ATXN1: variants seen among roughly 807,000 people sequenced by gnomAD.
The protein encoded by ATXN1 is ataxin 1, also known as ataxin-1.
In ATXN1, 8 loss-of-function variants were observed where a neutral mutation model predicts 56.4. The ratio of observed to expected loss-of-function variants is 0.14; its 90% CI spans 0.08 to 0.26. The LOEUF is 0.26. Ranked by LOEUF, ATXN1 falls within the 10% of genes least tolerant of loss-of-function variation. ATXN1 has a pLI of 1.00. For synonymous variants in ATXN1, 514 were observed against 494.6 expected (o/e 1.04, Z -0.52); for missense variants, 987 against 1,106.5 (o/e 0.89, Z 1.53).
intron 3 of ATXN1, among the ~76,000 whole-genome samples, chr6:16,594,881 G>A (rs888106293): frequency 1.3e-5 from 2 of 152,180 alleles, no homozygotes; most frequent in Non-Finnish European, 2.9e-5. Context: ...CATAACAAAC[G>A]AGAGTTACTT....
At chr6:16,398,962 G>A (rs946253586) in intron 6 of ATXN1, among the ~76,000 whole-genome samples, 5 of 152,316 alleles carry the variant, frequency 3.3e-5, no homozygotes, top group Admixed American at 2.0e-4. Flanking sequence ...GCCCTCCAAC[G>A]TGGACTCACC....
At chr6:16,371,847 G>C (rs563566452) in intron 6 of ATXN1, among the ~76,000 whole-genome samples, 1 of 152,074 alleles carries the variant, frequency 6.6e-6, no homozygotes, top group East Asian at 1.9e-4. Context: ...CCAAAGTGCT[G>C]GAATTACAGG....
intron 2 of ATXN1, among the ~76,000 whole-genome samples, chr6:16,707,025 T>C (rs1344003311): frequency 6.6e-6 from 1 of 152,122 alleles, no homozygotes; most frequent in Non-Finnish European, 1.5e-5. Context: ...GCAGCTCAAA[T>C]TCAAAAGATG....
chr6:16,562,148 C>T (rs144989964), intron 4 of ATXN1, among the ~76,000 whole-genome samples: 14,522 of 151,858 alleles, frequency 0.096, 806 homozygotes, highest in African/African-American at 0.15. Context: ...CCGAGGCAGG[C>T]GGATTGCTTG....
Position 16,484,869 on chromosome 6 carries a change from G to C in ATXN1, c.-161+1103C>G, listed in dbSNP as rs1581793171. 3.3e-5 allele frequency among the ~76,000 whole-genome samples: 5 copies of C among 150,602 alleles called. No homozygotes were observed. In the East Asian group the frequency reaches 9.8e-4, roughly 29 times the overall value. ...ACTTTGCTCTTTACAAATCTTGTAG[G>C]CAACTGCAAAAAAAATAGGTAATAC... On this transcript the variant is annotated intron_variant, in intron 6 of 7. Transcript: ENST00000436367.
chr6:16,419,903 C>T (rs1758996808), intron 6 of ATXN1, among the ~76,000 whole-genome samples: 1 of 152,166 alleles, frequency 6.6e-6, no homozygotes, highest in African/African-American at 2.4e-5. Flanking sequence ...GACCGCTCAT[C>T]CTATCATCTA....
intron 2 of ATXN1, among the ~76,000 whole-genome samples, chr6:16,658,694 C>T (rs1054088652): frequency 2.6e-5 from 4 of 152,320 alleles, no homozygotes; most frequent in South Asian, 4.1e-4. Flanking sequence ...GTCAAATCCA[C>T]CCCACTGTTT....
chr6:16,526,804 A>G (rs750027601), intron 4 of ATXN1, among the ~76,000 whole-genome samples: 13 of 151,890 alleles, frequency 8.6e-5, no homozygotes, highest in Non-Finnish European at 1.8e-4. Flanking sequence ...GGTGTTCAAC[A>G]TATCGAAAAA....
intron 3 of ATXN1, among the ~76,000 whole-genome samples, chr6:16,609,257 G>T (rs550129930): frequency 9.2e-5 from 14 of 152,292 alleles, no homozygotes; most frequent in Admixed American, 3.9e-4. Context: ...GGTGTCCAGG[G>T]CATTCACATT....
chr6:16,759,089 A>G (rs1306650878), intron 1 of ATXN1, among the ~76,000 whole-genome samples: 5 of 152,234 alleles, frequency 3.3e-5, no homozygotes, highest in Admixed American at 6.5e-5. Flanking sequence ...CCCAAACAGA[A>G]ATGTCTCAGC....
chr6:16,687,774 G>C (rs1303214596), intron 2 of ATXN1, among the ~76,000 whole-genome samples: 1 of 151,580 alleles, frequency 6.6e-6, no homozygotes, highest in African/African-American at 2.4e-5. Flanking sequence ...GAATACAAAT[G>C]GCTTCTACGG....
At chr6:16,584,311 T>C (rs965496649) in intron 4 of ATXN1, among the ~76,000 whole-genome samples, 1 of 149,742 alleles carries the variant, frequency 6.7e-6, no homozygotes, top group Non-Finnish European at 1.5e-5. Flanking sequence ...CATACATATA[T>C]AGGCACATAC....
chr6:16,715,568 C>T (rs760124779), intron 2 of ATXN1, among the ~76,000 whole-genome samples: 1 of 152,124 alleles, frequency 6.6e-6, no homozygotes, highest in Non-Finnish European at 1.5e-5. Context: ...AACTTAGTAA[C>T]GCTGTGAATG....
chr6:16,735,278 C>T (rs553620454), intron 2 of ATXN1, among the ~76,000 whole-genome samples: 1 of 152,280 alleles, frequency 6.6e-6, no homozygotes, highest in South Asian at 2.1e-4. Flanking sequence ...ATCCTAAATC[C>T]TCAATATGCC....
chr6:16,452,169 G>A (rs144317951), intron 6 of ATXN1, among the ~76,000 whole-genome samples: 1 of 152,334 alleles, frequency 6.6e-6, no homozygotes, highest in East Asian at 1.9e-4. Flanking sequence ...CAACTCGGTA[G>A]AAAAGAAACA....
intron 5 of ATXN1, among the ~76,000 whole-genome samples, chr6:16,491,991 A>G (rs1267827966): frequency 6.6e-6 from 1 of 152,146 alleles, no homozygotes; most frequent in Non-Finnish European, 1.5e-5. Flanking sequence ...ACCACAAGAA[A>G]CTAAATACAA....
At chr6:16,386,764 C>T (rs1758251171) in intron 6 of ATXN1, among the ~76,000 whole-genome samples, 1 of 152,198 alleles carries the variant, frequency 6.6e-6, no homozygotes, top group Non-Finnish European at 1.5e-5. Flanking sequence ...ATGAGCGTAA[C>T]TCCTTGGGCT....
chr6:16,456,402 G>T (rs1407710891), intron 6 of ATXN1, among the ~76,000 whole-genome samples: 1 of 152,174 alleles, frequency 6.6e-6, no homozygotes, highest in Non-Finnish European at 1.5e-5. Flanking sequence ...CAGGACTAAG[G>T]ACATGGATGT....
intron 6 of ATXN1, among the ~76,000 whole-genome samples, chr6:16,347,876 T>C (rs1561861966): frequency 2.6e-5 from 4 of 152,196 alleles, no homozygotes; most frequent in African/African-American, 9.7e-5. Flanking sequence ...GTGGAAGCTT[T>C]GTTCTTTTTG....
Sources: allele counts gnomAD v4.1 joint callset (sites outside exome capture counted in the v4.1 genomes callset), GRCh38; gene constraint gnomAD v4.1.1; transcripts MANE v1.5; gene names NCBI Gene and HGNC (gene_info 2026-07-23, HGNC 2026-07-21).